The following RBFOX1 variants were observed in gnomAD, a reference collection of about 807,000 sequenced individuals.
The protein encoded by RBFOX1 is RNA binding protein fox-1 homolog 1.
In RBFOX1, 8 loss-of-function variants were observed where a neutral mutation model predicts 57.7. The observed-to-expected ratio is 0.14, with a 90% confidence interval of 0.08 to 0.25. RBFOX1 has a LOEUF of 0.25. Ranked by LOEUF, RBFOX1 falls within the 10% of genes least tolerant of loss-of-function variation. The pLI, the probability that RBFOX1 is intolerant of heterozygous loss-of-function variation, is 1.00. For synonymous variants in RBFOX1, 326 were observed against 222.4 expected (o/e 1.47, Z -4.15); for missense variants, 611 against 548.5 (o/e 1.11, Z -1.14).
At chr16:6,840,411 G>C (rs1254276885) in intron 3 of RBFOX1, among the ~76,000 whole-genome samples, 2 of 152,110 alleles carry the variant, frequency 1.3e-5, no homozygotes, top group African/African-American at 2.4e-5. Context: ...TAAATGTTGA[G>C]TATGATCACA....
At chr16:6,770,909 G>A (rs2078185363) in intron 3 of RBFOX1, among the ~76,000 whole-genome samples, 1 of 152,142 alleles carries the variant, frequency 6.6e-6, no homozygotes, top group Admixed American at 6.5e-5. Flanking sequence ...ATGTGCTTGG[G>A]TCTGAGAATT....
chr16:5,966,490 C>G (rs1047675639), intron 4 of RBFOX1, among the ~76,000 whole-genome samples: 1 of 152,182 alleles, frequency 6.6e-6, no homozygotes. Context: ...TAGAGTCTTA[C>G]TCAGTCCCCC....
chr16:5,669,359 G>T (rs1201435164), intron 3 of RBFOX1, among the ~76,000 whole-genome samples: 2 of 150,936 alleles, frequency 1.3e-5, no homozygotes, highest in African/African-American at 4.9e-5. Context: ...GGCTCTTTGG[G>T]TTCACCTGGG....
chr16:6,937,784 G>GT (rs2077629753), intron 3 of RBFOX1, among the ~76,000 whole-genome samples: 1 of 152,052 alleles, frequency 6.6e-6, no homozygotes, highest in Non-Finnish European at 1.5e-5. Flanking sequence ...TAGCCTCCAG[G>GT]TAGCAGGCTG....
chr16:6,229,833 A>G (rs947234935), intron 1 of RBFOX1, among the ~76,000 whole-genome samples: 1 of 152,098 alleles, frequency 6.6e-6, no homozygotes, highest in South Asian at 2.1e-4. Context: ...GGTGGTCTTT[A>G]AAATTAAGAG....
intron 12 of RBFOX1, among the ~76,000 whole-genome samples, chr16:7,655,185 G>C (rs1373342168): frequency 1.3e-5 from 2 of 152,224 alleles, no homozygotes; most frequent in Non-Finnish European, 2.9e-5. Flanking sequence ...CTAAACCAGA[G>C]CATTTGAAAT....
intron 4 of RBFOX1, among the ~76,000 whole-genome samples, chr16:7,416,350 A>G (rs1225431733): frequency 2.0e-5 from 3 of 152,178 alleles, no homozygotes; most frequent in African/African-American, 7.2e-5. Flanking sequence ...ATGCCCAACT[A>G]ATTTGATCAG....
intron 3 of RBFOX1, among the ~76,000 whole-genome samples, chr16:5,793,912 T>A (rs746780597): frequency 1.3e-5 from 2 of 152,194 alleles, no homozygotes; most frequent in Non-Finnish European, 2.9e-5. Context: ...ACCTGTGTGA[T>A]CTTGGGTGAG....
At chr16:7,680,461 A>G (rs546486439) in intron 14 of RBFOX1, among the ~76,000 whole-genome samples, 1 of 152,164 alleles carries the variant, frequency 6.6e-6, no homozygotes, top group East Asian at 1.9e-4. Context: ...CCTCCACGTC[A>G]GGGCTGAAAG....
intron 2 of RBFOX1, chr16:6,483,283 G>A: frequency 1.5e-6 from 2 of 1,372,950 alleles, no homozygotes; most frequent in African/African-American, 1.5e-5. Flanking sequence ...TTGCCTCCTT[G>A]CACGGGCTGC....
In RBFOX1 at chr16:7,273,240, T is replaced by TCCTC. The variant is rs1402950872; in HGVS notation, c.27+221145_27+221146insCCCT. ...TTCCTTCCTTCCTTCCTTCCTTCCT[T>TCCTC]CCTTCCTTCCTTCCTTCCTTCCTCC... is the stretch of plus-strand genomic sequence containing the variant. On this transcript the variant is annotated intron_variant, in intron 4 of 15. Coordinates refer to ENST00000550418, the MANE Select transcript of RBFOX1 (RefSeq NM_018723.4). Among the ~76,000 whole-genome samples the TCCTC allele has an allele frequency of 1.6e-5, 2 of 122,734 alleles. 1 individual carries two copies. Among genetic ancestry groups the TCCTC allele is most frequent in the Non-Finnish European group, 3.3e-5 (2 of 60,124 alleles). 80.5% of individuals were successfully genotyped at this position (122,734 alleles called of 152,430 possible).
intron 4 of RBFOX1, among the ~76,000 whole-genome samples, chr16:5,883,157 G>A (rs181780082): frequency 1.0e-3 from 153 of 152,206 alleles, no homozygotes; most frequent in African/African-American, 3.6e-3. Flanking sequence ...GATATCAGGG[G>A]TTATACATCT....
At chr16:7,487,539 G>C (rs2065750582) in intron 4 of RBFOX1, among the ~76,000 whole-genome samples, 1 of 152,090 alleles carries the variant, frequency 6.6e-6, no homozygotes, top group African/African-American at 2.4e-5. Flanking sequence ...CCTTAAAGTG[G>C]GAATGTCTTT....
intron 4 of RBFOX1, among the ~76,000 whole-genome samples, chr16:7,213,156 C>T (rs11862992): frequency 0.015 from 2,259 of 152,270 alleles, 58 homozygotes; most frequent in African/African-American, 0.051. Context: ...AACTCCCTAA[C>T]CACCTCAAAA....
intron 1 of RBFOX1, among the ~76,000 whole-genome samples, chr16:5,255,506 A>G (rs1279322498): frequency 6.6e-6 from 1 of 151,004 alleles, no homozygotes; most frequent in African/African-American, 2.4e-5. Context: ...CCATCTATCC[A>G]TCTACTTACC....
At chr16:6,689,970 G>T (rs971876085) in intron 3 of RBFOX1, among the ~76,000 whole-genome samples, 3 of 152,176 alleles carry the variant, frequency 2.0e-5, no homozygotes, top group African/African-American at 4.8e-5. Flanking sequence ...CAGAGTATAA[G>T]GGCAAGCTGA....
Position 7,141,422 on chromosome 16 carries a change from C to T in RBFOX1, c.27+89324C>T, listed in dbSNP as rs142939797. ...TTGGGCGGCAGCTAGAAGACCTTAT[C>T]GCATGATTGTTAATCCAAGTTCTCA... On this transcript the variant is annotated intron_variant, in intron 4 of 15. Transcript: ENST00000550418. Among the ~76,000 whole-genome samples the T allele has an allele frequency of 1.1e-3, 166 of 152,242 alleles. 1 individual carries two copies. Among genetic ancestry groups the T allele is most frequent in the Middle Eastern group, 3.4e-3 (1 of 294 alleles).
At chr16:6,536,542 T>A (rs983534850) in intron 2 of RBFOX1, among the ~76,000 whole-genome samples, 1 of 139,972 alleles carries the variant, frequency 7.1e-6, no homozygotes, top group Admixed American at 7.5e-5. Flanking sequence ...AAAAGGACGA[T>A]GGGGGGCCCA....
intron 4 of RBFOX1, among the ~76,000 whole-genome samples, chr16:7,390,318 C>A (rs991629157): frequency 1.3e-5 from 2 of 152,080 alleles, no homozygotes; most frequent in Non-Finnish European, 2.9e-5. Flanking sequence ...TTTCCCATAA[C>A]AATAGAGAGA....
Sources: gnomAD v4.1 joint callset for allele counts (sites outside exome capture counted in the v4.1 genomes callset) on GRCh38, gnomAD v4.1.1 for gene constraint, MANE v1.5 for transcripts, NCBI Gene and HGNC (gene_info 2026-07-23, HGNC 2026-07-21) for gene names.